The following AKAP13 variants were observed in gnomAD, a reference collection of about 807,000 sequenced individuals.
AKAP13 encodes the protein A-kinase anchor protein 13.
AKAP13 carries 80 observed loss-of-function variants against 264.5 expected under a neutral mutation model. The ratio of observed to expected loss-of-function variants is 0.30; its 90% CI spans 0.25 to 0.36. AKAP13 has a LOEUF of 0.36. Ranked by LOEUF, AKAP13 falls within the 10% of genes least tolerant of loss-of-function variation. AKAP13 has a pLI of 1.00. For synonymous variants in AKAP13, 1,380 were observed against 1,250.2 expected, an observed-to-expected ratio of 1.10 and a Z score of -2.19; for missense variants, 3,712 against 3,435.2, an observed-to-expected ratio of 1.08 and a Z score of -2.01.
intron 4 of AKAP13, among the ~76,000 whole-genome samples, chr15:85,537,952 C>T (rs145771018): frequency 6.6e-6 from 1 of 152,176 alleles, no homozygotes; most frequent in South Asian, 2.1e-4. Flanking sequence ...ATTATATAAA[C>T]AAGCTTCTAC....
intron 2 of AKAP13, among the ~76,000 whole-genome samples, chr15:85,499,150 G>A (rs1225602807): frequency 2.0e-5 from 3 of 152,162 alleles, no homozygotes; most frequent in Non-Finnish European, 4.4e-5. Context: ...TTAAAGGCTA[G>A]CTTCCTGAGT....
chr15:85,598,800 G>A (rs1378634253), intron 8 of AKAP13, among the ~76,000 whole-genome samples: 1 of 152,156 alleles, frequency 6.6e-6, no homozygotes, highest in African/African-American at 2.4e-5. Context: ...CCCTTCTACT[G>A]TTCCCTTCTA....
At chr15:85,671,799 C>CG (rs2083944681) in intron 14 of AKAP13, among the ~76,000 whole-genome samples, 2 of 152,110 alleles carry the variant, frequency 1.3e-5, no homozygotes, top group African/African-American at 4.8e-5. Context: ...TTCAGCTCAG[C>CG]GTCCCCTCCT....
chr15:85,598,171 A>T (rs78938203), intron 8 of AKAP13, among the ~76,000 whole-genome samples: 2 of 152,072 alleles, frequency 1.3e-5, no homozygotes, highest in South Asian at 4.1e-4. Flanking sequence ...CCTGAAGACA[A>T]TGGGTTGGTT....
chr15:85,618,012 C>T (rs1338257411), intron 8 of AKAP13, among the ~76,000 whole-genome samples: 2 of 152,206 alleles, frequency 1.3e-5, no homozygotes, highest in South Asian at 2.1e-4. Flanking sequence ...AGAGCCAAGG[C>T]TCACTTGGGG....
chr15:85,730,623 A>T lies in AKAP13; in HGVS notation c.7198A>T (p.Thr2400Ser), dbSNP rs1181141350. 1 of 1,614,172 alleles carries T rather than the reference A, an allele frequency of 6.2e-7. No homozygotes were observed. Among genetic ancestry groups the T allele is most frequent in the Admixed American group, 1.7e-5 (1 of 60,022 alleles). Residue 2400 changes from threonine to serine, a missense_variant, in exon 30 of 37, where the codon ACA (threonine) becomes TCA (serine). This residue lies in a region of AKAP13 where 611 missense variants were observed against 539.3 expected (regional missense o/e 1.13). Coordinates refer to ENST00000394518, the MANE Select transcript of AKAP13 (RefSeq NM_007200.5). ...STPLPEDCSP[T>S]HSPRVLFRSN... The stretch of plus-strand genomic sequence containing the variant: ...CCCTCTCCCAGAGGATTGCTCCCCA[A>T]CACATAGCCCTAGAGTTCTCTTCCG...
chr15:85,520,921 T>C (rs930955129), intron 2 of AKAP13, among the ~76,000 whole-genome samples: 1 of 152,272 alleles, frequency 6.6e-6, no homozygotes. Flanking sequence ...CTCTACCCTT[T>C]CCAGGCAAGC....
At chr15:85,387,314 T>C (rs914596154) in intron 1 of AKAP13, among the ~76,000 whole-genome samples, 2 of 151,870 alleles carry the variant, frequency 1.3e-5, no homozygotes, top group African/African-American at 2.4e-5. Context: ...CCAGCCTGGG[T>C]GATAGAACGA....
rs1318795838 is a variant in AKAP13 at position 85,748,590 on chromosome 15, C to T, written c.*3913C>T. 5 of 152,326 alleles carry T rather than the reference C, an allele frequency of 3.3e-5. No homozygotes were observed. In the East Asian group the frequency reaches 9.6e-4, roughly 29 times the overall value. The allele number at this position is 152,326 out of a possible 1,614,324, so 9.4% of individuals were successfully genotyped here. A position where few individuals can be genotyped will look rare whatever the true frequency, so the allele number is the denominator to read the frequency against. ...TCCTAGTTAACCAGAGCCTTGGAAT[C>T]TACTGCCTGCTGGCCAGGCTTTAAA... On this transcript the variant is annotated 3_prime_UTR_variant, in exon 37 of 37. Transcript: ENST00000394518.
chr15:85,589,500 A>T (rs2151326616), intron 8 of AKAP13, among the ~76,000 whole-genome samples: 1 of 152,076 alleles, frequency 6.6e-6, no homozygotes, highest in Non-Finnish European at 1.5e-5. Context: ...TCATGCCTGT[A>T]ATTCTGCCAC....
In AKAP13 at chr15:85,579,878, T is replaced by C; in HGVS notation, c.1810T>C (p.Tyr604His). 6.2e-7 allele frequency: 1 copy of C among 1,614,198 alleles called. No individual in the cohort carries two copies. Among genetic ancestry groups the C allele is most frequent in the Non-Finnish European group, 8.5e-7 (1 of 1,180,038 alleles). The change falls in exon 7 of 37, where the codon TAT becomes CAT. Residue 604 changes from tyrosine to histidine, a missense_variant. By Grantham distance (83) the Tyr-to-His change is moderately conservative (BLOSUM62 2). Coordinates refer to ENST00000394518, the MANE Select transcript of AKAP13 (RefSeq NM_007200.5). ...KDKISDGLEP[Y>H]TLLAAGIGEA... Reference sequence around the variant, plus strand: ...CAAGATTTCAGATGGATTAGAACCTTATACTCTCTTAGCAGCAGGCATAGG... The same window carrying C: ...CAAGATTTCAGATGGATTAGAACCTCATACTCTCTTAGCAGCAGGCATAGG...
intron 8 of AKAP13, among the ~76,000 whole-genome samples, chr15:85,628,052 T>C (rs1246222225): frequency 6.6e-6 from 1 of 152,236 alleles, no homozygotes; most frequent in Non-Finnish European, 1.5e-5. Flanking sequence ...TTTGTGTACC[T>C]ATTGTATTAC....
At chr15:85,730,286 C>G (rs2087908823) in intron 29 of AKAP13, among the ~76,000 whole-genome samples, 1 of 152,156 alleles carries the variant, frequency 6.6e-6, no homozygotes, top group African/African-American at 2.4e-5. Context: ...CTTGTTATGT[C>G]ACAATTTCCA....
chr15:85,609,758 C>G (rs2080517975), intron 8 of AKAP13, among the ~76,000 whole-genome samples: 1 of 152,156 alleles, frequency 6.6e-6, no homozygotes, highest in Non-Finnish European at 1.5e-5. Context: ...TTGTGCTATT[C>G]CTCTGTCATA....
chr15:85,642,006 A>G (rs1445606277), intron 9 of AKAP13, among the ~76,000 whole-genome samples: 1 of 152,180 alleles, frequency 6.6e-6, no homozygotes, highest in East Asian at 1.9e-4. Context: ...TAGCTTCTGA[A>G]AAGCTAATAG....
intron 1 of AKAP13, among the ~76,000 whole-genome samples, chr15:85,418,706 A>G (rs1373340975): frequency 6.6e-6 from 1 of 152,240 alleles, no homozygotes; most frequent in Non-Finnish European, 1.5e-5. Flanking sequence ...TCTTTCCCAT[A>G]TTTACAATTT....
rs1166452484 is a variant in AKAP13 at position 85,748,729 on chromosome 15, A to AATT, written c.*4054_*4056dup. On this transcript the variant is annotated 3_prime_UTR_variant, in exon 37 of 37. Transcript: ENST00000394518. ...ATTGTCAAAAGATTGATAGGCCATG[A>AATT]ATTACTTCTCCATCTCACTAAGGGT... The AATT allele has an allele frequency of 6.6e-6, 1 of 152,200 alleles. No individual in the cohort carries two copies. Among genetic ancestry groups the AATT allele is most frequent in the Non-Finnish European group, 1.5e-5 (1 of 68,044 alleles). 9.4% of individuals were successfully genotyped at this position (152,200 alleles called of 1,614,324 possible). A position where few individuals can be genotyped will look rare whatever the true frequency, so the allele number is the denominator to read the frequency against.
intron 19 of AKAP13, 50 bp from the exon 20 acceptor site, chr15:85,715,738 C>T (rs559490480): frequency 2.6e-6 from 4 of 1,560,438 alleles, no homozygotes; most frequent in Non-Finnish European, 3.4e-6. Context: ...TGGGTCAGTA[C>T]CAGGTGGAGC....
rs1161301412 is a variant in AKAP13, at chr15:85,715,838, A to G, written c.5650A>G (p.Thr1884Ala). Residue 1884 changes from threonine (T) to alanine (A), a missense_variant, in exon 20 of 37, where the codon ACC becomes GCC. By Grantham distance (58) the Thr-to-Ala change is moderately conservative (BLOSUM62 0). Around this residue, in one of 3 missense-constraint regions of AKAP13, gnomAD observed 2,759 missense variants for 2,411.7 expected, o/e 1.14. Transcript: ENST00000394518. ...PRSAVLLVDETATTPIFANRR... is the reference protein window; with the variant it reads ...PRSAVLLVDEAATTPIFANRR... ...GTCCGCAGTCCTCCTGGTGGATGAA[A>G]CCGCTACCACCCCAATATTTGCCAA... The G allele has an allele frequency of 6.2e-7, 1 of 1,613,214 alleles. No individual in the cohort carries two copies.
Sources: allele counts gnomAD v4.1 joint callset (sites outside exome capture counted in the v4.1 genomes callset), GRCh38; gene constraint gnomAD v4.1.1; regional missense constraint gnomAD v4.1.1; transcripts MANE v1.5; gene names NCBI Gene and HGNC (gene_info 2026-07-23, HGNC 2026-07-21).